Variants in IQCM observed in about 807,000 individuals in gnomAD.
IQCM encodes IQ motif containing M.
Under a neutral mutation model 57.6 loss-of-function variants are expected in IQCM, and 45 were observed. That is an observed-to-expected ratio of 0.78 (90% CI 0.62 to 1.00). IQCM has a LOEUF of 1.00. Ranked by LOEUF, IQCM falls within the 50% of genes least tolerant of loss-of-function variation. The pLI is 0.00. For synonymous variants in IQCM, 148 were observed against 158.9 expected, an observed-to-expected ratio of 0.93 and a Z score of 0.51; for missense variants, 468 against 511.6, an observed-to-expected ratio of 0.91 and a Z score of 0.82.
intron 2 of IQCM, among the ~76,000 whole-genome samples, chr4:149,769,752 T>A (rs1770395823): frequency 6.6e-6 from 1 of 151,914 alleles, no homozygotes; most frequent in Admixed American, 6.6e-5. Context: ...TGTGCTTAGG[T>A]TTATGCACCT....
intron 12 of IQCM, among the ~76,000 whole-genome samples, chr4:149,435,061 C>T (rs1235878161): frequency 6.6e-6 from 1 of 152,132 alleles, no homozygotes; most frequent in African/African-American, 2.4e-5. Flanking sequence ...GTTCTTTCCT[C>T]AGGTGCTCTG....
Position 149,682,163 on chromosome 4 carries a change from A to G in IQCM, c.520T>C (p.Tyr174His), listed in dbSNP as rs1043206907. Reference protein sequence around the residue: ...ELLYPFPVHLYLQPGTSNLEL... With the variant: ...ELLYPFPVHLHLQPGTSNLEL... ...AAGTTAGAGGTCCCAGGTTGTAAGT[A>G]AAGATGGACAGGAAAGGGATAGAGT... The change falls in exon 7 of 14, where the codon TAC becomes CAC. Residue 174 changes from tyrosine (Y) to histidine (H), a missense_variant. Tyr to His is a moderately conservative substitution (Grantham distance 83). Coordinates refer to ENST00000636793, the MANE Select transcript of IQCM (RefSeq NM_001363507.2). 3 of 1,226,140 alleles carry G rather than the reference A, an allele frequency of 2.4e-6. No individual in the cohort carries two copies. The highest frequency in any genetic ancestry group is 1.0e-6 in the Non-Finnish European group (1 of 983,120). 76.0% of individuals were successfully genotyped at this position (1,226,140 alleles called of 1,614,324 possible).
intron 7 of IQCM, among the ~76,000 whole-genome samples, chr4:149,667,986 A>G (rs1352360347): frequency 1.3e-5 from 2 of 152,156 alleles, no homozygotes; most frequent in African/African-American, 4.8e-5. Context: ...GAATGGAATC[A>G]AGTTGGAAAA....
intron 11 of IQCM, among the ~76,000 whole-genome samples, chr4:149,552,522 T>C (rs574881433): frequency 6.6e-6 from 1 of 152,308 alleles, no homozygotes; most frequent in African/African-American, 2.4e-5. Context: ...ATGAGATAAT[T>C]TGTTCTATGA....
At chr4:149,431,370 T>C (rs1734844337) in intron 13 of IQCM, among the ~76,000 whole-genome samples, 1 of 152,034 alleles carries the variant, frequency 6.6e-6, no homozygotes, top group African/African-American at 2.4e-5. Flanking sequence ...TTTGTAGATA[T>C]ATAATGATAT....
intron 5 of IQCM, among the ~76,000 whole-genome samples, chr4:149,730,995 G>A (rs1453485296): frequency 2.0e-5 from 3 of 152,040 alleles, no homozygotes; most frequent in African/African-American, 4.8e-5. Context: ...CAAGTGCTAG[G>A]TCTCCTTTTC....
intron 12 of IQCM, among the ~76,000 whole-genome samples, chr4:149,493,902 TATATTCTGCCAAGAGCTTGTTGGC>T (rs1742373335): frequency 2.6e-5 from 4 of 151,620 alleles, no homozygotes; most frequent in Non-Finnish European, 4.4e-5. Flanking sequence ...AAAAAAAATC[TATATTCTGCCAAGAGCTTGTTGGC>T]ATATAAATTT....
chr4:149,674,903 T>C (rs1761618740), intron 7 of IQCM, among the ~76,000 whole-genome samples: 1 of 152,032 alleles, frequency 6.6e-6, no homozygotes, highest in Admixed American at 6.6e-5. Flanking sequence ...GGGCCTACTG[T>C]AACCACCGGG....
chr4:149,545,072 T>C (rs28841006), intron 12 of IQCM, among the ~76,000 whole-genome samples: 4 of 152,234 alleles, frequency 2.6e-5, no homozygotes, highest in South Asian at 2.1e-4. Context: ...CACAGTGGCA[T>C]GTGCCTGTAG....
intron 13 of IQCM, among the ~76,000 whole-genome samples, chr4:149,428,950 A>C (rs1734637832): frequency 6.6e-6 from 1 of 151,896 alleles, no homozygotes; most frequent in Non-Finnish European, 1.5e-5. Context: ...ACTAATGAGA[A>C]ACTTGACAGT....
chr4:149,734,605 T>G (rs1289227671), intron 4 of IQCM, among the ~76,000 whole-genome samples: 2 of 152,106 alleles, frequency 1.3e-5, no homozygotes, highest in East Asian at 1.9e-4. Context: ...TTAAAAAAAT[T>G]TTTAAGTATT....
At chr4:149,765,391 T>C (rs1245506079) in intron 2 of IQCM, among the ~76,000 whole-genome samples, 1 of 152,174 alleles carries the variant, frequency 6.6e-6, no homozygotes, top group Non-Finnish European at 1.5e-5. Context: ...TCTGTGCTTA[T>C]GAAATCATCT....
intron 13 of IQCM, among the ~76,000 whole-genome samples, chr4:149,428,988 T>C (rs370758136): frequency 7.4e-4 from 112 of 152,012 alleles, no homozygotes; most frequent in African/African-American, 2.5e-3. Context: ...TCAGTTAAAA[T>C]GGACCATTGC....
chr4:149,485,151 C>T (rs772446098), intron 12 of IQCM, among the ~76,000 whole-genome samples: 5 of 151,832 alleles, frequency 3.3e-5, no homozygotes, highest in Non-Finnish European at 7.4e-5. Context: ...TATCCTTGAC[C>T]TTTGGGAGTT....
At chr4:149,591,137 A>G (rs1287911202) in intron 8 of IQCM, among the ~76,000 whole-genome samples, 1 of 152,034 alleles carries the variant, frequency 6.6e-6, no homozygotes, top group African/African-American at 2.4e-5. Context: ...CTCAAATCCC[A>G]CAGTTTAACT....
Position 149,563,782 on chromosome 4 carries a change from A to G in IQCM, c.858T>C (p.Ile286=). 4 of 1,231,976 alleles carry G rather than the reference A, an allele frequency of 3.2e-6. No homozygotes were observed. The highest frequency in any genetic ancestry group is 4.0e-6 in the Non-Finnish European group (4 of 987,892). The allele number at this position is 1,231,976 out of a possible 1,614,324, so 76.3% of individuals were successfully genotyped here. A position where few individuals can be genotyped will look rare whatever the true frequency, so the allele number is the denominator to read the frequency against. The change falls in exon 10 of 14, where the codon ATT becomes ATC. Residue 286 remains isoleucine, a synonymous_variant. Coordinates refer to ENST00000636793, the MANE Select transcript of IQCM (RefSeq NM_001363507.2). Reference sequence around the variant, plus strand: ...TGACCATTCTAATCAATTTTGGGGTAATCATGAATTTTTTTCTTTCTCGGA... The same window carrying G: ...TGACCATTCTAATCAATTTTGGGGTGATCATGAATTTTTTTCTTTCTCGGA... ...QVFRERKKFM[I]TPKLIRMVTV...
At chr4:149,684,919 T>C (rs983696471) in intron 6 of IQCM, among the ~76,000 whole-genome samples, 5 of 151,400 alleles carry the variant, frequency 3.3e-5, no homozygotes, top group African/African-American at 7.3e-5. Flanking sequence ...CCCTGAGCTG[T>C]CACTGGAAGT....
chr4:149,805,611 AT>A (rs747360346), intron 2 of IQCM, among the ~76,000 whole-genome samples: 2 of 152,168 alleles, frequency 1.3e-5, no homozygotes, highest in Non-Finnish European at 2.9e-5. Flanking sequence ...AACTTTGTAT[AT>A]TTTTAATTCT....
intron 5 of IQCM, among the ~76,000 whole-genome samples, chr4:149,714,688 A>G (rs1312715765): frequency 6.6e-6 from 1 of 152,214 alleles, no homozygotes; most frequent in Non-Finnish European, 1.5e-5. Context: ...TAACAACAAT[A>G]ATAAAATAGA....
Sources: allele counts gnomAD v4.1 joint callset (sites outside exome capture counted in the v4.1 genomes callset), GRCh38; gene constraint gnomAD v4.1.1; transcripts MANE v1.5; gene names NCBI Gene and HGNC (gene_info 2026-07-23, HGNC 2026-07-21).